CSMD2: variants seen among roughly 807,000 people sequenced by gnomAD.
CSMD2 encodes the protein CUB and sushi domain-containing protein 2.
A neutral mutation model predicts 398.5 loss-of-function variants in CSMD2; 130 were observed. That is an observed-to-expected ratio of 0.33 (90% confidence interval 0.28 to 0.38). The LOEUF is 0.38. Among genes scored for constraint, CSMD2 ranks in the 10% least tolerant of loss-of-function variants. The probability of loss-of-function intolerance (pLI) is 1.00; values close to 1 mark genes in which losing one functional copy is unlikely to be tolerated. For missense variants in CSMD2, 3,829 were observed against 4,764.9 expected, an observed-to-expected ratio of 0.80 and a Z score of 5.78; for synonymous variants, 1,828 against 1,908.5, an observed-to-expected ratio of 0.96 and a Z score of 1.10.
intron 5 of CSMD2, among the ~76,000 whole-genome samples, chr1:33,867,775 T>C (rs1640146225): frequency 6.6e-6 from 1 of 152,052 alleles, no homozygotes; most frequent in Non-Finnish European, 1.5e-5. Flanking sequence ...GTAGTTCCAG[T>C]TGGGTTGTCT....
chr1:33,676,254 A>G (rs1644706900), intron 25 of CSMD2, among the ~76,000 whole-genome samples: 1 of 152,234 alleles, frequency 6.6e-6, no homozygotes, highest in African/African-American at 2.4e-5. Flanking sequence ...AAGCAACTTC[A>G]GCAAAGTCTC....
chr1:33,981,565 C>T (rs932456999), intron 3 of CSMD2, among the ~76,000 whole-genome samples: 5 of 152,228 alleles, frequency 3.3e-5, no homozygotes, highest in Non-Finnish European at 5.9e-5. Context: ...TTGTTCATCA[C>T]GTATTTCCGT....
chr1:33,618,039 G>GAGAC (rs1416542647), intron 37 of CSMD2, among the ~76,000 whole-genome samples: 2 of 152,176 alleles, frequency 1.3e-5, no homozygotes, highest in Non-Finnish European at 2.9e-5. Flanking sequence ...GAGAGAGAGA[G>GAGAC]AGGGAAAAGA....
At chr1:34,129,233 C>T (rs1043946344) in intron 1 of CSMD2, among the ~76,000 whole-genome samples, 2 of 152,176 alleles carry the variant, frequency 1.3e-5, no homozygotes, top group African/African-American at 2.4e-5. Context: ...AAGCAGTGTA[C>T]CTGTCTTGTG....
chr1:33,572,395 T>C, intron 50 of CSMD2, 111 bp downstream of exon 50: 2 of 646,340 alleles, frequency 3.1e-6, no homozygotes, highest in Non-Finnish European at 4.2e-6. Flanking sequence ...GTCCATGTTT[T>C]TTTTTTTTTT....
rs778135032 is a variant in CSMD2, at chr1:33,652,358, G to C, written c.4551C>G (p.Val1517=). The C allele has an allele frequency of 1.5e-5, 25 of 1,614,086 alleles. No homozygotes were observed. Among genetic ancestry groups the C allele is most frequent in the Non-Finnish European group, 1.9e-5 (22 of 1,180,032 alleles). Residue 1517 remains valine (V), a synonymous_variant, in exon 28 of 71, where the codon GTC becomes GTG. Coordinates refer to ENST00000373381, the MANE Select transcript of CSMD2 (RefSeq NM_001281956.2). ...PGKECDWKVT[V]SPDYVIALVF... ...CCAGGGCGATGACGTAGTCTGGTGA[G>C]ACGGTCACTTTCCAGTCACACTCCT...
At chr1:33,557,667 G>A (rs1476377586) in intron 55 of CSMD2, 67 bp downstream of exon 55, 7 of 1,294,490 alleles carry the variant, frequency 5.4e-6, no homozygotes, top group African/African-American at 2.9e-5. Flanking sequence ...CACATGCACA[G>A]AGGGGAGGAC....
chr1:33,597,465 A>G (rs1639918007), intron 44 of CSMD2, among the ~76,000 whole-genome samples: 1 of 152,186 alleles, frequency 6.6e-6, no homozygotes, highest in South Asian at 2.1e-4. Context: ...CTGTCTGGGG[A>G]GCAGACATTT....
chr1:33,788,891 C>T (rs1168230507), intron 11 of CSMD2, among the ~76,000 whole-genome samples, 179 bp from the exon 12 acceptor site: 1 of 152,194 alleles, frequency 6.6e-6, no homozygotes, highest in Non-Finnish European at 1.5e-5. Flanking sequence ...GCTGGGAAGA[C>T]TCATCCTGTC....
At chr1:33,647,402 A>G (rs773439970) in intron 28 of CSMD2, among the ~76,000 whole-genome samples, 14 of 152,152 alleles carry the variant, frequency 9.2e-5, no homozygotes, top group African/African-American at 1.4e-4. Flanking sequence ...AGCTATTCTG[A>G]CCCTGGTATG....
Position 33,586,582 on chromosome 1 carries a change from T to C in CSMD2, c.6973A>G (p.Thr2325Ala). ...GTCAGAATTTCATTCCCCACTAAGG[T>C]AAAGCCAGGGAGGCATCTGTAGCGT... ...IVRYRCLPGF[T>A]LVGNEILTCK... Residue 2325 changes from threonine (T) to alanine (A), a missense_variant, in exon 46 of 71, where the codon ACC becomes GCC. Transcript: ENST00000373381. 1 of 1,613,632 alleles carries C rather than the reference T, an allele frequency of 6.2e-7. No individual in the cohort carries two copies. Among genetic ancestry groups the C allele is most frequent in the Non-Finnish European group, 8.5e-7 (1 of 1,179,714 alleles).
rs762634602 is a variant in CSMD2, at chr1:33,984,836, GAGGA to G, written c.517+47754_517+47757del. ...GAAGGGAGGGAGGGAAGGAGGGAAG[GAGGA>G]AGGAAGGAAGGAAGGAAGGAAGGCA... On this transcript the variant is annotated intron_variant, in intron 3 of 70. Coordinates refer to ENST00000373381, the MANE Select transcript of CSMD2 (RefSeq NM_001281956.2). Among the ~76,000 whole-genome samples, 803 of 148,908 alleles carry G rather than the reference GAGGA, an allele frequency of 5.4e-3. 3 individuals carry two copies. Among genetic ancestry groups the G allele is most frequent in the Non-Finnish European group, 8.1e-3 (549 of 67,670 alleles).
At chr1:33,629,196 T>C (rs954652723) in intron 32 of CSMD2, among the ~76,000 whole-genome samples, 2 of 152,004 alleles carry the variant, frequency 1.3e-5, no homozygotes, top group Non-Finnish European at 2.9e-5. Flanking sequence ...AATTCAAAAA[T>C]TTGCTCTTGG....
At chr1:33,693,356 C>T (rs983137604) in intron 24 of CSMD2, among the ~76,000 whole-genome samples, 1 of 152,314 alleles carries the variant, frequency 6.6e-6, no homozygotes, top group South Asian at 2.1e-4. Flanking sequence ...AGATGTTTAA[C>T]ATTGTTAGTC....
At chr1:33,853,911 A>G (rs142900744) in intron 5 of CSMD2, among the ~76,000 whole-genome samples, 70 of 152,344 alleles carry the variant, frequency 4.6e-4, no homozygotes, top group Non-Finnish European at 8.1e-4. Flanking sequence ...TAACCTTAAA[A>G]TCTGAGATTT....
At chr1:34,056,292 A>G (rs1243672253) in intron 2 of CSMD2, among the ~76,000 whole-genome samples, 1 of 152,072 alleles carries the variant, frequency 6.6e-6, no homozygotes, top group African/African-American at 2.4e-5. Context: ...ACATCCCTCT[A>G]TGCTGCACTG....
chr1:33,663,199 C>T (rs1041073960), intron 25 of CSMD2, 107 bp from the exon 26 acceptor site: 8 of 871,540 alleles, frequency 9.2e-6, no homozygotes, highest in South Asian at 3.4e-5. Flanking sequence ...ACCTACAAAG[C>T]CCTAAACCTC....
intron 53 of CSMD2, among the ~76,000 whole-genome samples, chr1:33,561,716 G>C (rs1018398460): frequency 6.6e-6 from 1 of 152,272 alleles, no homozygotes; most frequent in Admixed American, 6.5e-5. Context: ...GGTCAAAGAG[G>C]GTCCCACAGG....
At chr1:34,149,867 G>C (rs1456585300) in intron 1 of CSMD2, among the ~76,000 whole-genome samples, 1 of 152,190 alleles carries the variant, frequency 6.6e-6, no homozygotes, top group Non-Finnish European at 1.5e-5. Flanking sequence ...AGGTAGCCCA[G>C]GTGTGGGCTG....
Sources: gnomAD v4.1 joint callset for allele counts (sites outside exome capture counted in the v4.1 genomes callset) on GRCh38, gnomAD v4.1.1 for gene constraint, MANE v1.5 for transcripts, NCBI Gene and HGNC (gene_info 2026-07-23, HGNC 2026-07-21) for gene names.